The following SETBP1 variants were observed in gnomAD, a reference collection of about 807,000 sequenced individuals.
The protein encoded by SETBP1 is SET-binding protein.
A neutral mutation model predicts 101.0 loss-of-function variants in SETBP1; 9 were observed. That is an observed-to-expected ratio of 0.09 (90% CI 0.05 to 0.16). The LOEUF is 0.16. Ranked by LOEUF, SETBP1 falls within the 10% of genes least tolerant of loss-of-function variation. SETBP1 has a pLI of 1.00. For missense variants in SETBP1, 1,858 were observed against 2,033.8 expected, an observed-to-expected ratio of 0.91 and a Z score of 1.66; for synonymous variants, 818 against 788.5, an observed-to-expected ratio of 1.04 and a Z score of -0.63.
intron 2 of SETBP1, among the ~76,000 whole-genome samples, chr18:44,731,790 T>C (rs949474813): frequency 6.6e-6 from 1 of 152,184 alleles, no homozygotes; most frequent in Non-Finnish European, 1.5e-5. Context: ...CTGACTTTCC[T>C]CATCTATCAA....
rs764526847 is a variant in SETBP1 at position 44,949,892 on chromosome 18, G to T, written c.552G>T (p.Arg184Ser). 6.2e-7 allele frequency: 1 copy of T among 1,613,164 alleles called. No individual in the cohort carries two copies. The highest frequency in any genetic ancestry group is 1.7e-5 in the Admixed American group (1 of 60,008). ...LKGFQPQAYE[R>S]PQKHSTLHYD... is the part of the protein sequence containing the mutation. ...CCACCCACCCTTAGGCTTACGAGAGGCCCCAGAAACATTCAACTCTCCATT... is the reference window on the plus strand; with the variant it reads ...CCACCCACCCTTAGGCTTACGAGAGTCCCCAGAAACATTCAACTCTCCATT... The change falls in exon 4 of 6, where the codon AGG becomes AGT. Residue 184 changes from arginine to serine, a missense_variant. Coordinates refer to ENST00000649279, the MANE Select transcript of SETBP1 (RefSeq NM_015559.3).
At chr18:45,004,125 G>A (rs967214408) in intron 4 of SETBP1, among the ~76,000 whole-genome samples, 1 of 152,188 alleles carries the variant, frequency 6.6e-6, no homozygotes, top group Admixed American at 6.5e-5. Flanking sequence ...GAGAAATCCT[G>A]CACCAGAATA....
At chr18:44,746,658 G>T (rs1194630698) in intron 2 of SETBP1, among the ~76,000 whole-genome samples, 3 of 152,190 alleles carry the variant, frequency 2.0e-5, no homozygotes, top group African/African-American at 7.2e-5. Context: ...TGATGAACTT[G>T]TGGATTAATG....
chr18:44,785,852 G>GCTCAGACC (rs1397440224), intron 2 of SETBP1, among the ~76,000 whole-genome samples: 4 of 152,202 alleles, frequency 2.6e-5, no homozygotes, highest in Admixed American at 6.5e-5. Context: ...GCTCAGACCT[G>GCTCAGACC]AAAGGATGGT....
At chr18:44,730,556 C>T (rs2069816726) in intron 2 of SETBP1, among the ~76,000 whole-genome samples, 2 of 152,210 alleles carry the variant, frequency 1.3e-5, no homozygotes, top group South Asian at 2.1e-4. Context: ...GTTGCTTGGT[C>T]TCTCCATCCA....
chr18:44,970,745 T>A (rs539244117), intron 4 of SETBP1, among the ~76,000 whole-genome samples: 1 of 152,266 alleles, frequency 6.6e-6, no homozygotes, highest in Admixed American at 6.5e-5. Context: ...GAGACAGGGT[T>A]TCACCATGTT....
At chr18:44,822,659 A>T (rs2072137397) in intron 2 of SETBP1, among the ~76,000 whole-genome samples, 1 of 152,212 alleles carries the variant, frequency 6.6e-6, no homozygotes, top group Non-Finnish European at 1.5e-5. Flanking sequence ...TCCGCTAAAG[A>T]TACTGAACTG....
At chr18:44,708,804 G>A (rs981496177) in intron 2 of SETBP1, among the ~76,000 whole-genome samples, 5 of 152,174 alleles carry the variant, frequency 3.3e-5, no homozygotes, top group African/African-American at 1.2e-4. Context: ...TTTTCCCTCT[G>A]AGGTCTTGTT....
intron 2 of SETBP1, among the ~76,000 whole-genome samples, chr18:44,795,030 C>T (rs761158574): frequency 7.2e-5 from 11 of 152,136 alleles, no homozygotes; most frequent in Non-Finnish European, 1.0e-4. Flanking sequence ...AATATGATTC[C>T]TGTGCTCCAG....
chr18:44,880,747 C>T (rs1281999266), intron 3 of SETBP1, among the ~76,000 whole-genome samples: 1 of 152,096 alleles, frequency 6.6e-6, no homozygotes, highest in Non-Finnish European at 1.5e-5. Context: ...ATGACCAGAT[C>T]ACTTGCGAAC....
intron 4 of SETBP1, among the ~76,000 whole-genome samples, chr18:44,989,676 C>T (rs888562568): frequency 2.7e-5 from 4 of 150,838 alleles, no homozygotes; most frequent in East Asian, 2.0e-4. Flanking sequence ...GAGACCATCC[C>T]GGCTAAAACG....
At chr18:44,786,387 G>A (rs2071239552) in intron 2 of SETBP1, among the ~76,000 whole-genome samples, 1 of 152,170 alleles carries the variant, frequency 6.6e-6, no homozygotes, top group Admixed American at 6.5e-5. Flanking sequence ...ATGCAAATAT[G>A]TGATTTGAGA....
intron 2 of SETBP1, among the ~76,000 whole-genome samples, chr18:44,846,484 A>G (rs2072727067): frequency 6.6e-6 from 1 of 152,194 alleles, no homozygotes; most frequent in African/African-American, 2.4e-5. Flanking sequence ...CCTGTTCTGG[A>G]TATTTCCTAT....
chr18:44,755,592 G>A (rs1342063583), intron 2 of SETBP1, among the ~76,000 whole-genome samples: 1 of 151,982 alleles, frequency 6.6e-6, no homozygotes, highest in Non-Finnish European at 1.5e-5. Flanking sequence ...TAGGCTTCAG[G>A]CTAGGGGATG....
rs546066487 is a variant in SETBP1, at chr18:45,001,021, G to T, written c.4001-37464G>T. On this transcript the variant is annotated intron_variant, in intron 4 of 5. Coordinates refer to ENST00000649279, the MANE Select transcript of SETBP1 (RefSeq NM_015559.3). ...AATAGAATGATTCCTTAGTATGTGT[G>T]ATATGGTCATTCATTCATTCATCCA... is the stretch of plus-strand genomic sequence containing the variant. 5.9e-5 allele frequency among the ~76,000 whole-genome samples: 9 copies of T among 152,300 alleles called. No homozygotes were observed. In the South Asian group the frequency reaches 1.9e-3, roughly 32 times the overall value.
At chr18:44,876,686 C>G (rs1258968259) in intron 3 of SETBP1, 3 of 1,524,610 alleles carry the variant, frequency 2.0e-6, no homozygotes, top group Non-Finnish European at 1.8e-6. Context: ...AACCCATTCC[C>G]CGCAAAACCC....
intron 4 of SETBP1, among the ~76,000 whole-genome samples, chr18:44,970,846 C>T (rs370718383): frequency 9.2e-4 from 140 of 152,040 alleles, no homozygotes; most frequent in Middle Eastern, 3.4e-3. Context: ...CGACCGCACC[C>T]GGCTGGGCTT....
chr18:45,007,138 C>T (rs550203194), intron 4 of SETBP1, among the ~76,000 whole-genome samples: 1 of 152,290 alleles, frequency 6.6e-6, no homozygotes, highest in Non-Finnish European at 1.5e-5. Flanking sequence ...AACATTCCAC[C>T]CTCAGTCCTC....
intron 2 of SETBP1, among the ~76,000 whole-genome samples, chr18:44,706,591 C>CAAAAAAAAAAAAAAAAAAAAAAAAAAAAA (rs1018470585): frequency 5.9e-5 from 1 of 16,972 alleles, no homozygotes; most frequent in Non-Finnish European, 9.8e-5. Flanking sequence ...GACTCAATCT[C>CAAAAAAAAAAAAAAAAAAAAAAAAAAAAA]AAAAAAAAAA....
Sources: gnomAD v4.1 joint callset for allele counts (sites outside exome capture counted in the v4.1 genomes callset) on GRCh38, gnomAD v4.1.1 for gene constraint, MANE v1.5 for transcripts, NCBI Gene and HGNC (gene_info 2026-07-23, HGNC 2026-07-21) for gene names.